The following DCC variants were observed in gnomAD, a reference collection of about 807,000 sequenced individuals.
The protein encoded by DCC is netrin receptor DCC.
A neutral mutation model predicts 172.5 loss-of-function variants in DCC; 58 were observed. That is an observed-to-expected ratio of 0.34 (90% confidence interval 0.27 to 0.42). The LOEUF (loss-of-function observed/expected upper bound fraction) is 0.42, where lower values mean the gene tolerates loss of function less well. Among genes scored for constraint, DCC ranks in the 10% least tolerant of loss-of-function variants. DCC has a pLI of 1.00. For synonymous variants in DCC, 709 were observed against 644.5 expected, an observed-to-expected ratio of 1.10 and a Z score of -1.52; for missense variants, 1,740 against 1,791.0, an observed-to-expected ratio of 0.97 and a Z score of 0.51.
At chr18:53,512,406 C>G (rs977795400) in intron 27 of DCC, among the ~76,000 whole-genome samples, 4 of 151,656 alleles carry the variant, frequency 2.6e-5, no homozygotes, top group Non-Finnish European at 4.4e-5. Flanking sequence ...CAGAGCGCCT[C>G]TCCTCCTCCA....
At chr18:52,744,088 A>G (rs1247457985) in intron 1 of DCC, among the ~76,000 whole-genome samples, 2 of 152,220 alleles carry the variant, frequency 1.3e-5, no homozygotes, top group East Asian at 3.8e-4. Flanking sequence ...TTTCTCAGAT[A>G]AAATACAGGA....
At chr18:53,529,100 C>T (rs1208818051) in intron 28 of DCC, among the ~76,000 whole-genome samples, 1 of 146,690 alleles carries the variant, frequency 6.8e-6, no homozygotes, top group Admixed American at 6.8e-5. Context: ...TGTATATAAA[C>T]AGGCTTTTAG....
chr18:53,023,742 A>T (rs1219510220), intron 5 of DCC, among the ~76,000 whole-genome samples: 1 of 152,132 alleles, frequency 6.6e-6, no homozygotes, highest in Non-Finnish European at 1.5e-5. Flanking sequence ...GAGTTTTTAG[A>T]GGCTTTAAAG....
At chr18:53,221,507 G>C (rs1470571160) in intron 12 of DCC, among the ~76,000 whole-genome samples, 1 of 152,102 alleles carries the variant, frequency 6.6e-6, no homozygotes, top group Non-Finnish European at 1.5e-5. Flanking sequence ...GCTCCATGAA[G>C]GCAAATTCTG....
intron 11 of DCC, among the ~76,000 whole-genome samples, chr18:53,208,825 G>T (rs1221219486): frequency 1.3e-5 from 2 of 152,134 alleles, no homozygotes; most frequent in Non-Finnish European, 2.9e-5. Flanking sequence ...CACCTCTCGG[G>T]TTTAAGTGAT....
chr18:53,453,545 G>A (rs2045444435), intron 23 of DCC, among the ~76,000 whole-genome samples: 1 of 112,686 alleles, frequency 8.9e-6, no homozygotes, highest in Non-Finnish European at 2.2e-5. Context: ...ATCTTATTCA[G>A]GTTAAGTGTC....
chr18:52,627,461 C>G (rs754903522), intron 1 of DCC, among the ~76,000 whole-genome samples: 8 of 152,174 alleles, frequency 5.3e-5, no homozygotes, highest in Non-Finnish European at 1.2e-4. Context: ...AACCATTCTC[C>G]TTAGGCCTTG....
At chr18:52,850,215 A>G (rs1359307055) in intron 2 of DCC, among the ~76,000 whole-genome samples, 1 of 152,210 alleles carries the variant, frequency 6.6e-6, no homozygotes, top group Admixed American at 6.5e-5. Context: ...TGGAAGTGGA[A>G]TAATCAGTCA....
intron 2 of DCC, among the ~76,000 whole-genome samples, chr18:52,902,423 A>T (rs528403443): frequency 1.5e-4 from 23 of 152,300 alleles, no homozygotes; most frequent in African/African-American, 5.3e-4. Flanking sequence ...TGGCCTAATG[A>T]GTCTGAACCA....
chr18:52,512,052 G>C (rs912975976), intron 1 of DCC, among the ~76,000 whole-genome samples: 3 of 152,158 alleles, frequency 2.0e-5, no homozygotes, highest in African/African-American at 7.2e-5. Flanking sequence ...CATTAAGCAG[G>C]ATACAAGAAG....
At chr18:53,249,574 T>G (rs1181301073) in intron 12 of DCC, among the ~76,000 whole-genome samples, 1 of 151,960 alleles carries the variant, frequency 6.6e-6, no homozygotes, top group East Asian at 1.9e-4. Flanking sequence ...AATTAATTAC[T>G]CATTTGTTGT....
At chr18:53,103,663 T>C (rs2043205014) in intron 7 of DCC, among the ~76,000 whole-genome samples, 1 of 152,176 alleles carries the variant, frequency 6.6e-6, no homozygotes, top group South Asian at 2.1e-4. Flanking sequence ...ACTTCTGTTG[T>C]ACTTTCATGA....
At chr18:53,353,968 T>C (rs2057845304) in intron 15 of DCC, among the ~76,000 whole-genome samples, 1 of 152,142 alleles carries the variant, frequency 6.6e-6, no homozygotes, top group South Asian at 2.1e-4. Context: ...TGTGTCCAAG[T>C]GTTCTCGTTG....
chr18:52,982,945 A>G (rs1010487543), intron 5 of DCC, among the ~76,000 whole-genome samples: 55 of 152,148 alleles, frequency 3.6e-4, no homozygotes, highest in African/African-American at 1.3e-3. Context: ...AATAATGTCA[A>G]CTCTCCAGTT....
chr18:52,860,525 T>C (rs1269914807), intron 2 of DCC, among the ~76,000 whole-genome samples: 1 of 152,222 alleles, frequency 6.6e-6, no homozygotes, highest in Non-Finnish European at 1.5e-5. Context: ...TCTAAAAACA[T>C]ATGTACTACA....
At chr18:52,626,985 C>T (rs1227957840) in intron 1 of DCC, among the ~76,000 whole-genome samples, 3 of 152,160 alleles carry the variant, frequency 2.0e-5, no homozygotes, top group Non-Finnish European at 4.4e-5. Context: ...CCATTTATTT[C>T]TCAGTCCATC....
chr18:53,039,124 G>A (rs932342181), intron 5 of DCC, among the ~76,000 whole-genome samples: 1 of 151,950 alleles, frequency 6.6e-6, no homozygotes, highest in African/African-American at 2.4e-5. Context: ...ATTACACAAA[G>A]TCTGTGTCTC....
At chr18:53,083,096 CAT>C (rs2042829347) in intron 7 of DCC, among the ~76,000 whole-genome samples, 1 of 152,040 alleles carries the variant, frequency 6.6e-6, no homozygotes. Flanking sequence ...AAAAAAACAA[CAT>C]AATCATCAAA....
chr18:52,446,250 A>G (rs181092559), intron 1 of DCC, among the ~76,000 whole-genome samples: 11 of 152,316 alleles, frequency 7.2e-5, no homozygotes, highest in Admixed American at 4.6e-4. Flanking sequence ...TTCAAAATCT[A>G]CTTTGCCTGT....
Sources: gnomAD v4.1 joint callset for allele counts (sites outside exome capture counted in the v4.1 genomes callset) on GRCh38, gnomAD v4.1.1 for gene constraint, MANE v1.5 for transcripts, NCBI Gene and HGNC (gene_info 2026-07-23, HGNC 2026-07-21) for gene names.